The following ATF1 variants were observed in gnomAD, a reference collection of about 807,000 sequenced individuals.
ATF1 encodes the protein cyclic AMP-dependent transcription factor ATF-1.
ATF1 carries 16 observed loss-of-function variants against 34.7 expected under a neutral mutation model. That is an observed-to-expected ratio of 0.46 (90% CI 0.31 to 0.70). ATF1 has a LOEUF of 0.70. Among genes scored for constraint, ATF1 ranks in the 30% least tolerant of loss-of-function variants. ATF1 has a pLI of 0.05. For synonymous variants in ATF1, 105 were observed against 113.1 expected (o/e 0.93, Z 0.46); for missense variants, 255 against 321.6 (o/e 0.79, Z 1.58).
intron 1 of ATF1, among the ~76,000 whole-genome samples, chr12:50,772,408 C>G (rs894404491): frequency 2.0e-5 from 3 of 150,684 alleles, no homozygotes; most frequent in Middle Eastern, 3.5e-3. Context: ...CTCACCGCAA[C>G]CTACGCCTCC....
At chr12:50,790,341 A>G (rs897262971) in intron 2 of ATF1, among the ~76,000 whole-genome samples, 1 of 151,882 alleles carries the variant, frequency 6.6e-6, no homozygotes, top group Admixed American at 6.6e-5. Flanking sequence ...CATAGCTGTG[A>G]CGATAGGCAT....
At chr12:50,795,730 TC>T (rs1941394648) in intron 2 of ATF1, among the ~76,000 whole-genome samples, 178 bp from the exon 3 acceptor site, 1 of 152,224 alleles carries the variant, frequency 6.6e-6, no homozygotes, top group African/African-American at 2.4e-5. Flanking sequence ...TAGGTTGGGC[TC>T]CTGGAATAAA....
chr12:50,771,523 A>G (rs991395582), intron 1 of ATF1, among the ~76,000 whole-genome samples: 21 of 152,084 alleles, frequency 1.4e-4, no homozygotes, highest in African/African-American at 3.4e-4. Context: ...TCATTGCCCT[A>G]TTTAGCCTGA....
intron 2 of ATF1, among the ~76,000 whole-genome samples, chr12:50,781,294 A>G (rs759131711): frequency 6.6e-6 from 1 of 152,220 alleles, no homozygotes; most frequent in Non-Finnish European, 1.5e-5. Context: ...TAGTTATACT[A>G]TATGACAAGA....
intron 3 of ATF1, among the ~76,000 whole-genome samples, chr12:50,805,940 C>T (rs10876094): frequency 0.24 from 35,797 of 152,052 alleles, 4,968 homozygotes; most frequent in East Asian, 0.4. Flanking sequence ...CACCTGAGGT[C>T]GGGAGTTCAA....
rs59522501 is a variant in ATF1, at chr12:50,811,733, G to A, written c.328+2144G>A. Among the ~76,000 whole-genome samples the A allele has an allele frequency of 3.3e-3, 501 of 151,466 alleles. 7 individuals are homozygous for A. Among genetic ancestry groups the A allele is most frequent in the African/African-American group, 0.011 (457 of 41,280 alleles). ...TTGAGTCTGGGAGTTCGAAGTTACC[G>A]TGAACCGTGATCGTACCACCGCACT... On this transcript the variant is annotated intron_variant, in intron 4 of 6. Coordinates refer to ENST00000262053, the MANE Select transcript of ATF1 (RefSeq NM_005171.5).
At chr12:50,776,862 G>A (rs1940938609) in intron 1 of ATF1, among the ~76,000 whole-genome samples, 1 of 152,088 alleles carries the variant, frequency 6.6e-6, no homozygotes, top group South Asian at 2.1e-4. Context: ...GTATTATAAA[G>A]CCTTTATTTA....
intron 1 of ATF1, among the ~76,000 whole-genome samples, chr12:50,765,570 A>G (rs778249716): frequency 2.6e-5 from 4 of 152,162 alleles, no homozygotes; most frequent in Admixed American, 6.6e-5. Context: ...CGTGTGAACT[A>G]GAACAACTCC....
intron 2 of ATF1, among the ~76,000 whole-genome samples, chr12:50,781,510 G>A (rs1941060155): frequency 6.6e-6 from 1 of 151,980 alleles, no homozygotes; most frequent in African/African-American, 2.4e-5. Context: ...GAGTGCAGTG[G>A]TACGATCTCG....
intron 6 of ATF1, among the ~76,000 whole-genome samples, chr12:50,816,049 A>G (rs1472856583): frequency 6.6e-6 from 1 of 152,182 alleles, no homozygotes; most frequent in East Asian, 1.9e-4. Context: ...GAGTGGAAAA[A>G]TAGGGCTGGG....
intron 5 of ATF1, 23 bp downstream of exon 5, chr12:50,814,215 GA>G: frequency 6.2e-7 from 1 of 1,613,412 alleles, no homozygotes; most frequent in Non-Finnish European, 8.5e-7. Flanking sequence ...TCTGTCTACA[GA>G]AAGTCTCCTA....
chr12:50,766,169 C>T (rs1340531782), intron 1 of ATF1, among the ~76,000 whole-genome samples: 1 of 152,142 alleles, frequency 6.6e-6, no homozygotes, highest in Non-Finnish European at 1.5e-5. Flanking sequence ...GGTCCTGTAA[C>T]GTATTTGTGG....
At chr12:50,815,200 T>C (rs1354483886) in intron 6 of ATF1, among the ~76,000 whole-genome samples, 5 of 152,220 alleles carry the variant, frequency 3.3e-5, no homozygotes, top group African/African-American at 1.2e-4. Context: ...GGCATTGTTA[T>C]CATAGGAGAT....
intron 1 of ATF1, among the ~76,000 whole-genome samples, chr12:50,765,445 C>T (rs1327804152): frequency 1.3e-5 from 2 of 152,350 alleles, no homozygotes; most frequent in East Asian, 3.9e-4. Flanking sequence ...CCTACCCGAT[C>T]ACCAGCAGGT....
At chr12:50,802,046 A>G (rs1941522008) in intron 3 of ATF1, among the ~76,000 whole-genome samples, 1 of 152,250 alleles carries the variant, frequency 6.6e-6, no homozygotes, top group Non-Finnish European at 1.5e-5. Flanking sequence ...AACAAGTTCC[A>G]GCAAGGTTGT....
At chr12:50,791,321 G>A (rs910019564) in intron 2 of ATF1, among the ~76,000 whole-genome samples, 6 of 151,970 alleles carry the variant, frequency 3.9e-5, no homozygotes, top group East Asian at 1.9e-4. Context: ...TTTGGGAGGC[G>A]GAGGTGGGCG....
At chr12:50,776,271 G>A (rs1340685335) in intron 1 of ATF1, among the ~76,000 whole-genome samples, 1 of 134,690 alleles carries the variant, frequency 7.4e-6, no homozygotes, top group African/African-American at 2.6e-5. Context: ...AGCCGAGATC[G>A]TCCCACTGCA....
rs1029214745 is a variant in ATF1, at chr12:50,819,899, G to GATAA, written c.*124_*127dup. The GATAA allele has an allele frequency of 6.7e-6, 6 of 899,126 alleles. No individual in the cohort carries two copies. The African/African-American group carries it at 8.6e-5, about 13-fold the overall frequency. 55.7% of individuals were successfully genotyped at this position (899,126 alleles called of 1,614,324 possible). On this transcript the variant is annotated 3_prime_UTR_variant, in exon 7 of 7. Coordinates refer to ENST00000262053, the MANE Select transcript of ATF1 (RefSeq NM_005171.5). The stretch of plus-strand genomic sequence containing the variant: ...TTTATTTAGGCTTTTCCAAATCAAG[G>GATAA]ATAAATATCTTACGCACGATATCTA...
At chr12:50,812,653 A>G (rs1160333909) in intron 4 of ATF1, among the ~76,000 whole-genome samples, 2 of 152,000 alleles carry the variant, frequency 1.3e-5, no homozygotes, top group African/African-American at 2.4e-5. Context: ...GGGAGACCCT[A>G]TCTCTATAAA....
Sources: gnomAD v4.1 joint callset for allele counts (sites outside exome capture counted in the v4.1 genomes callset) on GRCh38, gnomAD v4.1.1 for gene constraint, MANE v1.5 for transcripts, NCBI Gene and HGNC (gene_info 2026-07-23, HGNC 2026-07-21) for gene names.